MYH15: variants seen among roughly 807,000 people sequenced by gnomAD.
MYH15 encodes myosin heavy chain 15, also known as myosin-15.
In MYH15, 227 loss-of-function variants were observed where a neutral mutation model predicts 240.5. The ratio of observed to expected loss-of-function variants is 0.94; its 90% confidence interval spans 0.85 to 1.05. MYH15 has a LOEUF of 1.05. Among genes scored for constraint, MYH15 ranks in the 50% least tolerant of loss-of-function variants. The probability of loss-of-function intolerance (pLI) is 0.00; values close to 1 mark genes in which losing one functional copy is unlikely to be tolerated. For missense variants in MYH15, 2,217 were observed against 2,247.5 expected (o/e 0.99, Z 0.27); for synonymous variants, 785 against 796.7 (o/e 0.99, Z 0.25).
chr3:108,506,076 T>A (rs2083473411), intron 1 of MYH15, among the ~76,000 whole-genome samples: 1 of 152,068 alleles, frequency 6.6e-6, no homozygotes, highest in Admixed American at 6.6e-5. Flanking sequence ...ACCATTTTGC[T>A]ACAAGAAAGT....
chr3:108,498,675 C>A (rs1186214519), intron 5 of MYH15, among the ~76,000 whole-genome samples: 1 of 152,216 alleles, frequency 6.6e-6, no homozygotes, highest in Non-Finnish European at 1.5e-5. Flanking sequence ...TCAAGGCCTG[C>A]CTGCCTTTAT....
At chr3:108,538,425 A>G in the MYH15 span, among the ~76,000 whole-genome samples, 11 of 152,358 alleles carry the variant, frequency 7.2e-5, no homozygotes, top group South Asian at 1.9e-3. Context: ...TTTGATAAAT[A>G]TTTTAAATTC....
intron 25 of MYH15, among the ~76,000 whole-genome samples, chr3:108,431,162 T>TA (rs951932685): frequency 7.9e-5 from 12 of 152,208 alleles, no homozygotes; most frequent in African/African-American, 2.9e-4. Context: ...TAACCAAAAG[T>TA]AAAAAATACC....
chr3:108,485,349 T>C (rs2083297669), intron 10 of MYH15, 120 bp from the exon 11 acceptor site: 1 of 1,107,378 alleles, frequency 9.0e-7, no homozygotes, highest in African/African-American at 1.6e-5. Context: ...GACAGCTCTG[T>C]TCAAAGCAAT....
At chr3:108,541,203 T>C in the MYH15 span, among the ~76,000 whole-genome samples, 2 of 151,774 alleles carry the variant, frequency 1.3e-5, no homozygotes, top group African/African-American at 2.4e-5. Context: ...GAGTCTAAAA[T>C]AAATAATATA....
intron 2 of MYH15, among the ~76,000 whole-genome samples, 187 bp from the exon 3 acceptor site, chr3:108,502,042 T>A (rs2083442852): frequency 6.6e-6 from 1 of 152,172 alleles, no homozygotes; most frequent in Non-Finnish European, 1.5e-5. Context: ...AGCCCTCTCC[T>A]TCCCTAAAGA....
intron 16 of MYH15, chr3:108,461,729 C>T (rs962241226): frequency 2.0e-5 from 3 of 152,128 alleles, no homozygotes; most frequent in Non-Finnish European, 4.4e-5. Flanking sequence ...TTAGCCGGGT[C>T]CAGTCACAAT....
Position 108,510,593 on chromosome 3 carries a change from A to AT in MYH15, c.-64_-63insA. The AT allele has an allele frequency of 6.3e-7, 1 of 1,596,028 alleles. No homozygotes were observed. Among genetic ancestry groups the AT allele is most frequent in the Non-Finnish European group, 8.5e-7 (1 of 1,175,256 alleles). On this transcript the variant is annotated 5_prime_UTR_variant, in exon 1 of 41. Transcript: ENST00000693548. ...GTGAGTAGGCAAGATTCAACCTGAA[A>AT]AAAAAAAATTGATACAGAGAAGAAA...
At chr3:108,501,068 G>A (rs2083433340) in intron 3 of MYH15, among the ~76,000 whole-genome samples, 1 of 152,206 alleles carries the variant, frequency 6.6e-6, no homozygotes, top group Non-Finnish European at 1.5e-5. Flanking sequence ...AAGCCACCCA[G>A]CTTGTGGTAG....
At chr3:108,406,989 A>G (rs893824151) in intron 32 of MYH15, among the ~76,000 whole-genome samples, 12 of 152,196 alleles carry the variant, frequency 7.9e-5, no homozygotes, top group Non-Finnish European at 1.5e-4. Context: ...GTCCCTTGCC[A>G]GGATAGCCAG....
chr3:108,464,706 G>C lies in MYH15; in HGVS notation c.1663C>G (p.Leu555Val). 6.2e-7 allele frequency: 1 copy of C among 1,613,964 alleles called. No individual in the cohort carries two copies. The highest frequency in any genetic ancestry group is 1.7e-5 in the Admixed American group (1 of 60,000). ...FDNHFGKSVH[L>V]QKPKPDKKKF... The stretch of plus-strand genomic sequence containing the variant: ...TTCTTATCAGGCTTGGGCTTCTGGA[G>C]ATGAACCGACTTTCCAAAATGGTTG... The change falls in exon 15 of 41, where the codon CTC becomes GTC. Residue 555 changes from leucine (L) to valine (V), a missense_variant. Physicochemically the swap from Leu to Val is conservative, Grantham distance 32. Transcript: ENST00000693548.
intron 10 of MYH15, among the ~76,000 whole-genome samples, chr3:108,486,182 A>G (rs2083304079): frequency 6.6e-6 from 1 of 152,262 alleles, no homozygotes; most frequent in Non-Finnish European, 1.5e-5. Context: ...GATATACACC[A>G]AATAAAAGAG....
intron 26 of MYH15, 43 bp from the exon 27 acceptor site, chr3:108,428,924 C>T (rs757818115): frequency 1.3e-6 from 2 of 1,531,920 alleles, no homozygotes; most frequent in African/African-American, 1.4e-5. Flanking sequence ...GCACTTGTAG[C>T]AAGAGCTTTA....
intron 27 of MYH15, among the ~76,000 whole-genome samples, chr3:108,422,973 T>C (rs72939844): frequency 0.13 from 19,582 of 152,192 alleles, 1,504 homozygotes; most frequent in South Asian, 0.25. Context: ...GACTTTTCCT[T>C]AGTTCAGCTA....
chr3:108,460,296 T>C lies in MYH15; in HGVS notation c.1932+4A>G. 1.3e-6 allele frequency: 2 copies of C among 1,592,418 alleles called. No individual in the cohort carries two copies. The highest frequency in any genetic ancestry group is 1.7e-6 in the Non-Finnish European group (2 of 1,168,578). On this transcript the variant is annotated splice_donor_region_variant and intron_variant, in intron 17 of 40. Transcript: ENST00000693548. ...ATATATGAATAGACGCAATTAAAAA[T>C]TACTTTATGCAGAGATGCAACCGTT...
At chr3:108,548,756 A>G in the MYH15 span, among the ~76,000 whole-genome samples, 1 of 152,164 alleles carries the variant, frequency 6.6e-6, no homozygotes, top group African/African-American at 2.4e-5. Context: ...ATATAACTTG[A>G]TAAGTACCTG....
chr3:108,503,022 T>C (rs924478411), intron 2 of MYH15, among the ~76,000 whole-genome samples: 2 of 152,172 alleles, frequency 1.3e-5, no homozygotes, highest in Non-Finnish European at 2.9e-5. Context: ...TTTATTGCCT[T>C]TGCTAATGTT....
chr3:108,391,329 G>T (rs2082421420), intron 37 of MYH15, among the ~76,000 whole-genome samples: 2 of 152,134 alleles, frequency 1.3e-5, no homozygotes, highest in Admixed American at 1.3e-4. Flanking sequence ...TCTTCTCTAA[G>T]TCTTTCTTGA....
At chr3:108,436,510 G>T (rs2082838196) in intron 25 of MYH15, among the ~76,000 whole-genome samples, 1 of 152,142 alleles carries the variant, frequency 6.6e-6, no homozygotes, top group Non-Finnish European at 1.5e-5. Flanking sequence ...CTCTTTCACT[G>T]TGGGCCTCAA....
Sources: gnomAD v4.1 joint callset for allele counts (sites outside exome capture counted in the v4.1 genomes callset) on GRCh38, gnomAD v4.1.1 for gene constraint, MANE v1.5 for transcripts, NCBI Gene and HGNC (gene_info 2026-07-23, HGNC 2026-07-21) for gene names.